Variants in EHBP1L1 observed in about 807,000 individuals in gnomAD.
EHBP1L1 encodes the protein EH domain binding protein 1 like 1.
Under a neutral mutation model 151.1 loss-of-function variants are expected in EHBP1L1, and 122 were observed. The ratio of observed to expected loss-of-function variants is 0.81; its 90% confidence interval spans 0.70 to 0.94. EHBP1L1 has a LOEUF of 0.94. Ranked by LOEUF, EHBP1L1 falls within the 40% of genes least tolerant of loss-of-function variation. EHBP1L1 has a pLI of 0.00. For missense variants in EHBP1L1, 1,941 were observed against 1,959.8 expected, an observed-to-expected ratio of 0.99 and a Z score of 0.18; for synonymous variants, 878 against 810.1, an observed-to-expected ratio of 1.08 and a Z score of -1.42.
intron 16 of EHBP1L1, chr11:65,591,488 T>A: frequency 2.1e-6 from 1 of 483,200 alleles, no homozygotes; most frequent in South Asian, 2.2e-5. Flanking sequence ...CCTTTTGCGT[T>A]TGGGATTTTT....
rs756423916 is a variant in EHBP1L1, at chr11:65,585,548, C to T, written c.3890C>T (p.Ser1297Leu). The T allele has an allele frequency of 6.3e-5, 100 of 1,582,234 alleles. 1 individual carries two copies. The South Asian group carries it at 1.1e-3, about 17-fold the overall frequency. The change falls in exon 12 of 19, where the codon TCG becomes TTG. Residue 1297 changes from serine (S) to leucine (L), a missense_variant. Physicochemically the swap from Ser to Leu is moderately radical, Grantham distance 145 (BLOSUM62 -2). Coordinates refer to ENST00000309295, the MANE Select transcript of EHBP1L1 (RefSeq NM_001099409.3). The surrounding 1 kb of genome is among the most constrained non-coding windows in gnomAD (Gnocchi z 4.0). ...CGGCTGCGGAACAGCAGCTCGTTCT[C>T]GATGGACGATCCGGACGCGGGAGCC... is the stretch of plus-strand genomic sequence containing the variant. The part of the protein sequence containing the change: ...RSRLRNSSSF[S>L]MDDPDAGAMG...
intron 16 of EHBP1L1, among the ~76,000 whole-genome samples, chr11:65,590,903 C>T (rs1328331874): frequency 6.6e-6 from 1 of 151,942 alleles, no homozygotes; most frequent in African/African-American, 2.4e-5. Flanking sequence ...TGGTGGCACG[C>T]GCCTGTAATC....
chr11:65,579,258 A>G (rs1857472122), intron 2 of EHBP1L1, 83 bp from the exon 3 acceptor site: 1 of 1,473,782 alleles, frequency 6.8e-7, no homozygotes, highest in Non-Finnish European at 9.2e-7. Flanking sequence ...GGGGAGGGGA[A>G]GATGGTGTCA....
chr11:65,582,298 G>C lies in EHBP1L1; in HGVS notation c.1626G>C (p.Gln542His). 1 of 1,530,836 alleles carries C rather than the reference G, an allele frequency of 6.5e-7. No individual in the cohort carries two copies. The highest frequency in any genetic ancestry group is 8.7e-7 in the Non-Finnish European group (1 of 1,143,968). 94.8% of individuals were successfully genotyped at this position (1,530,836 alleles called of 1,614,324 possible). The change falls in exon 9 of 19, where the codon CAG (glutamine) becomes CAC (histidine). Residue 542 changes from glutamine to histidine, a missense_variant. Transcript: ENST00000309295. ...ISTRPQVSSW[Q>H]GALLSTAQGA... Reference sequence around the variant, plus strand: ...CCAGGCCCCAGGTGAGCAGCTGGCAGGGGGCCCTGTTATCAACTGCCCAGG... The same window carrying C: ...CCAGGCCCCAGGTGAGCAGCTGGCACGGGGCCCTGTTATCAACTGCCCAGG...
chr11:65,581,392 C>T lies in EHBP1L1; in HGVS notation c.866+19C>T. On this transcript the variant is annotated intron_variant, in intron 8 of 18. Coordinates refer to ENST00000309295, the MANE Select transcript of EHBP1L1 (RefSeq NM_001099409.3). ...AGATGAGGTGAGCTTTGGAACCAGC[C>T]TCACCCCCCATTGCCCCCTGATAGG... The T allele has an allele frequency of 1.3e-6, 2 of 1,520,264 alleles. No individual in the cohort carries two copies. Among genetic ancestry groups the T allele is most frequent in the African/African-American group, 1.4e-5 (1 of 71,610 alleles). The allele number at this position is 1,520,264 out of a possible 1,614,324, so 94.2% of individuals were successfully genotyped here.
chr11:65,582,478 T>A lies in EHBP1L1; in HGVS notation c.1806T>A (p.Ile602=), dbSNP rs761048504. ...TCCCAGAGACTAGGACACTAGAAATTGAGATATTGGGGGCCTTGGAGAAAG... is the reference window on the plus strand; with the variant it reads ...TCCCAGAGACTAGGACACTAGAAATAGAGATATTGGGGGCCTTGGAGAAAG... The part of the protein sequence containing the change: ...SGFPETRTLE[I]EILGALEKEA... Residue 602 remains isoleucine, a synonymous_variant, in exon 9 of 19, where the codon ATT becomes ATA. Transcript: ENST00000309295. 1.2e-6 allele frequency: 2 copies of A among 1,612,330 alleles called. No individual in the cohort carries two copies. Among genetic ancestry groups the A allele is most frequent in the East Asian group, 4.5e-5 (2 of 44,836 alleles).
intron 11 of EHBP1L1, 36 bp downstream of exon 11, chr11:65,584,570 G>A: frequency 6.2e-7 from 1 of 1,600,512 alleles, no homozygotes; most frequent in Non-Finnish European, 8.5e-7. Flanking sequence ...GAGGGAAGGA[G>A]GGTCTGGAGA....
intron 6 of EHBP1L1, 161 bp from the exon 7 acceptor site, chr11:65,580,897 T>G: frequency 1.4e-6 from 2 of 1,427,654 alleles, no homozygotes; most frequent in Non-Finnish European, 1.8e-6. Context: ...TCTCTTTCTC[T>G]CCACATCTGT....
At chr11:65,579,205 G>A in intron 2 of EHBP1L1, 70 bp downstream of exon 2, 2 of 1,537,782 alleles carry the variant, frequency 1.3e-6, no homozygotes, top group Non-Finnish European at 1.8e-6. Flanking sequence ...GGGGGCTGAT[G>A]GGGGAGTGGA....
Position 65,590,014 on chromosome 11 carries a change from A to T in EHBP1L1, c.4059+23A>T, listed in dbSNP as rs577672996. The stretch of plus-strand genomic sequence containing the variant: ...CTGGTAAGGAGGGCTAAGTGGGAGG[A>T]GCTGATGGGTGAGCACCACCTATTC... On this transcript the variant is annotated intron_variant, in intron 14 of 18. Transcript: ENST00000309295. 1.9e-6 allele frequency: 3 copies of T among 1,606,766 alleles called. No homozygotes were observed. The Admixed American group carries it at 5.0e-5, about 27-fold the overall frequency.
At chr11:65,579,800 C>T (rs1857506019) in intron 3 of EHBP1L1, 136 bp from the exon 4 acceptor site, 3 of 925,886 alleles carry the variant, frequency 3.2e-6, no homozygotes, top group Admixed American at 2.7e-5. Context: ...GCACTCCAGC[C>T]TCGACGACAG....
Position 65,582,241 on chromosome 11 carries a change from G to A in EHBP1L1, c.1569G>A (p.Leu523=). ...CACCTGGTATTGAGGGGACAGGCCT[G>A]GAGCAGGGCCCTTCTGTTGGAGCAA... The part of the protein sequence containing the change: ...GGAPGIEGTG[L]EQGPSVGAIS... The change falls in exon 9 of 19, where the codon CTG becomes CTA. Residue 523 remains leucine (L), a synonymous_variant. Coordinates refer to ENST00000309295, the MANE Select transcript of EHBP1L1 (RefSeq NM_001099409.3). The A allele has an allele frequency of 6.5e-7, 1 of 1,527,536 alleles. No individual in the cohort carries two copies. The highest frequency in any genetic ancestry group is 1.3e-5 in the South Asian group (1 of 76,098). The allele number at this position is 1,527,536 out of a possible 1,614,324, so 94.6% of individuals were successfully genotyped here.
At chr11:65,579,192 G>C in intron 2 of EHBP1L1, 57 bp downstream of exon 2, 1 of 1,538,952 alleles carries the variant, frequency 6.5e-7, no homozygotes, top group Non-Finnish European at 8.8e-7. Context: ...GTGGGAGGCT[G>C]ATGGGGGCTG....
chr11:65,590,764 G>A (rs1012886205), intron 16 of EHBP1L1, among the ~76,000 whole-genome samples, 172 bp downstream of exon 16: 5 of 152,232 alleles, frequency 3.3e-5, no homozygotes, highest in African/African-American at 7.2e-5. Context: ...GGCCAGGCAC[G>A]GTGTCTCATG....
At chr11:65,579,230 C>G (rs1857471258) in intron 2 of EHBP1L1, 95 bp downstream of exon 2, 4 of 1,514,656 alleles carry the variant, frequency 2.6e-6, no homozygotes, top group Non-Finnish European at 3.6e-6. Flanking sequence ...GGTTCAAGCA[C>G]AGATCAGAAT....
rs375980539 is a variant in EHBP1L1, at chr11:65,580,434, C to T, written c.589C>T (p.His197Tyr). 110 of 1,613,586 alleles carry T rather than the reference C, an allele frequency of 6.8e-5. No homozygotes were observed. In the Middle Eastern group the frequency reaches 2.3e-3, roughly 34 times the overall value. The change falls in exon 6 of 19, where the codon CAT becomes TAT. Residue 197 changes from histidine (H) to tyrosine (Y), a missense_variant. Transcript: ENST00000309295. ...DFAESDEDEAHGPGAPEARAR... is the reference protein window; with the variant it reads ...DFAESDEDEAYGPGAPEARAR... ...TGCTGAGAGTGATGAAGATGAGGCTCATGGCCCAGGAGCCCCGGAGGCCCG... is the reference window on the plus strand; with the variant it reads ...TGCTGAGAGTGATGAAGATGAGGCTTATGGCCCAGGAGCCCCGGAGGCCCG...
Position 65,582,112 on chromosome 11 carries a change from G to GC in EHBP1L1, c.1445dup (p.Ala483SerfsTer12). On this transcript the variant is annotated frameshift_variant, in exon 9 of 19. Coordinates refer to ENST00000309295, the MANE Select transcript of EHBP1L1 (RefSeq NM_001099409.3). LOFTEE classifies it high-confidence loss of function. ...ATGAGGCTCCCTCAGGCCTGAGCCT[G>GC]CCCCCAGCGGAGCCTGCAGGGCACT... 6.2e-7 allele frequency: 1 copy of GC among 1,600,686 alleles called. No individual in the cohort carries two copies. Among genetic ancestry groups the GC allele is most frequent in the Non-Finnish European group, 8.5e-7 (1 of 1,173,634 alleles).
rs147546409 is a variant in EHBP1L1, at chr11:65,591,015, A to T, written c.4283+423A>T. On this transcript the variant is annotated intron_variant, in intron 16 of 18. Coordinates refer to ENST00000309295, the MANE Select transcript of EHBP1L1 (RefSeq NM_001099409.3). Reference sequence around the variant, plus strand: ...CATTACACTCTAGTCTGGGCAAAAGAGTGAGACTCTGTCTCAAAAAATAAA... The same window carrying T: ...CATTACACTCTAGTCTGGGCAAAAGTGTGAGACTCTGTCTCAAAAAATAAA... Among the ~76,000 whole-genome samples, 857 of 151,672 alleles carry T rather than the reference A, an allele frequency of 5.7e-3. 9 individuals carry two copies. The highest frequency in any genetic ancestry group is 0.02 in the African/African-American group (822 of 41,318).
At chr11:65,580,888 CTCTT>C (rs1857565391) in intron 6 of EHBP1L1, 166 bp from the exon 7 acceptor site, 4 of 1,420,452 alleles carry the variant, frequency 2.8e-6, no homozygotes, top group Non-Finnish European at 3.7e-6. Context: ...GGTTCTCTCT[CTCTT>C]TCTCTCCACA....
Sources: allele counts gnomAD v4.1 joint callset (sites outside exome capture counted in the v4.1 genomes callset), GRCh38; gene constraint gnomAD v4.1.1; non-coding constraint Gnocchi (gnomAD v3.1); transcripts MANE v1.5; gene names NCBI Gene and HGNC (gene_info 2026-07-23, HGNC 2026-07-21).